Variants in PRKCE observed in about 807,000 individuals in gnomAD.
The protein encoded by PRKCE is protein kinase C epsilon type.
A neutral mutation model predicts 85.4 loss-of-function variants in PRKCE; 16 were observed. The observed-to-expected ratio is 0.19, with a 90% CI of 0.13 to 0.28. The LOEUF is 0.28. PRKCE is among the 10% of genes least tolerant of loss of function. PRKCE has a pLI of 1.00. For missense variants in PRKCE, 573 were observed against 975.2 expected (o/e 0.59, Z 5.49); for synonymous variants, 388 against 371.5 (o/e 1.04, Z -0.51).
At chr2:45,932,333 C>T (rs978298594) in intron 2 of PRKCE, among the ~76,000 whole-genome samples, 1 of 152,128 alleles carries the variant, frequency 6.6e-6, no homozygotes, top group Non-Finnish European at 1.5e-5. Flanking sequence ...GCACTTGTTT[C>T]CAGTTTAGGG....
At chr2:45,707,568 C>G (rs1374498169) in intron 1 of PRKCE, among the ~76,000 whole-genome samples, 1 of 152,178 alleles carries the variant, frequency 6.6e-6, no homozygotes, top group African/African-American at 2.4e-5. Flanking sequence ...CTTGCTCTTG[C>G]CCCTGTGCTT....
intron 2 of PRKCE, among the ~76,000 whole-genome samples, chr2:45,969,425 G>A (rs955965976): frequency 6.6e-6 from 1 of 152,212 alleles, no homozygotes; most frequent in South Asian, 2.1e-4. Context: ...GAACTGTCAT[G>A]CTGGCTGAGC....
At chr2:45,832,987 A>G (rs1213110866) in intron 1 of PRKCE, among the ~76,000 whole-genome samples, 2 of 152,112 alleles carry the variant, frequency 1.3e-5, no homozygotes, top group African/African-American at 4.8e-5. Flanking sequence ...GAAAGATGGA[A>G]ACAAATGATC....
At chr2:45,756,683 A>G (rs1684032433) in intron 1 of PRKCE, among the ~76,000 whole-genome samples, 1 of 152,210 alleles carries the variant, frequency 6.6e-6, no homozygotes, top group African/African-American at 2.4e-5. Context: ...ATTAATCTCA[A>G]AATAATTATG....
intron 1 of PRKCE, among the ~76,000 whole-genome samples, chr2:45,665,533 C>T (rs938280444): frequency 2.0e-5 from 3 of 152,178 alleles, no homozygotes; most frequent in African/African-American, 2.4e-5. Context: ...AGAGTCACCA[C>T]GTCTTGAAGT....
At chr2:45,791,543 T>C (rs1261955064) in intron 1 of PRKCE, among the ~76,000 whole-genome samples, 1 of 152,238 alleles carries the variant, frequency 6.6e-6, no homozygotes, top group Non-Finnish European at 1.5e-5. Flanking sequence ...TTAGTTCTTT[T>C]CTTTCTTTTA....
rs937570376 is a variant in PRKCE, at chr2:45,978,906, G to A, written c.573-70G>A. 4.2e-6 allele frequency: 6 copies of A among 1,435,632 alleles called. No homozygotes were observed. In the African/African-American group the frequency reaches 5.6e-5, roughly 13 times the overall value. The allele number at this position is 1,435,632 out of a possible 1,614,324, so 88.9% of individuals were successfully genotyped here. On this transcript the variant is annotated intron_variant, in intron 3 of 14. Coordinates refer to ENST00000306156, the MANE Select transcript of PRKCE (RefSeq NM_005400.3). Reference sequence around the variant, plus strand: ...ATGTGGGTGGTGGCCCAAATTGGGTGGTTTTTCTGTTTGTTTTTTGACCTG... The same window carrying A: ...ATGTGGGTGGTGGCCCAAATTGGGTAGTTTTTCTGTTTGTTTTTTGACCTG...
intron 10 of PRKCE, among the ~76,000 whole-genome samples, chr2:46,059,206 T>C (rs1388485181): frequency 1.3e-5 from 2 of 152,104 alleles, no homozygotes; most frequent in East Asian, 3.9e-4. Context: ...CAGTGAGCCA[T>C]GAGCCCAGGA....
At chr2:45,847,733 A>T (rs1691914388) in intron 2 of PRKCE, among the ~76,000 whole-genome samples, 1 of 152,148 alleles carries the variant, frequency 6.6e-6, no homozygotes, top group Non-Finnish European at 1.5e-5. Flanking sequence ...TCCCCACTCC[A>T]CCCCTGGTTC....
At chr2:45,966,940 C>T (rs142051300) in intron 2 of PRKCE, among the ~76,000 whole-genome samples, 5 of 152,242 alleles carry the variant, frequency 3.3e-5, no homozygotes, top group Non-Finnish European at 7.4e-5. Flanking sequence ...TGCAGGGTTT[C>T]TGGAAGTCAG....
chr2:46,006,007 G>C (rs762545540), intron 8 of PRKCE, among the ~76,000 whole-genome samples: 5 of 152,126 alleles, frequency 3.3e-5, no homozygotes, highest in Non-Finnish European at 4.4e-5. Context: ...TGTAGGCCTG[G>C]CTCCTGCCCT....
intron 10 of PRKCE, among the ~76,000 whole-genome samples, chr2:46,069,166 T>A (rs1282633543): frequency 6.6e-6 from 1 of 152,236 alleles, no homozygotes; most frequent in African/African-American, 2.4e-5. Context: ...TGTCTTCTAG[T>A]GAGCAGACAG....
chr2:45,795,350 C>A (rs141222759), intron 1 of PRKCE, among the ~76,000 whole-genome samples: 14 of 152,206 alleles, frequency 9.2e-5, no homozygotes, highest in East Asian at 1.9e-4. Context: ...CTCTTGTCAC[C>A]CAGGCTGGAG....
rs952179743 is a variant in PRKCE at position 46,138,162 on chromosome 2, G to A, written c.1593-6931G>A. 3.3e-5 allele frequency among the ~76,000 whole-genome samples: 5 copies of A among 152,120 alleles called. No individual in the cohort carries two copies. The highest frequency in any genetic ancestry group is 4.1e-4 in the South Asian group (2 of 4,830). Reference sequence around the variant, plus strand: ...TCTGGAAGAGATCTTCACTCCTACCGCAGGAGAGCCTTCATTGTGCCATCC... The same window carrying A: ...TCTGGAAGAGATCTTCACTCCTACCACAGGAGAGCCTTCATTGTGCCATCC... On this transcript the variant is annotated intron_variant, in intron 11 of 14. Transcript: ENST00000306156. This position sits in a 1 kb window ranked among gnomAD's most constrained non-coding sequence, Gnocchi z 4.2.
intron 1 of PRKCE, among the ~76,000 whole-genome samples, chr2:45,779,500 A>G (rs1686015085): frequency 6.6e-6 from 1 of 151,908 alleles, no homozygotes; most frequent in Admixed American, 6.6e-5. Flanking sequence ...CTAGGTTGAG[A>G]GCTCCAGGGA....
chr2:46,076,277 C>T (rs1332659861), intron 10 of PRKCE, among the ~76,000 whole-genome samples: 1 of 152,194 alleles, frequency 6.6e-6, no homozygotes, highest in Non-Finnish European at 1.5e-5. Flanking sequence ...CTGGGGGCTG[C>T]TCCATTTGTG....
chr2:45,978,591 G>A (rs1017775305), intron 3 of PRKCE: 11 of 186,400 alleles, frequency 5.9e-5, no homozygotes, highest in South Asian at 3.6e-4. Flanking sequence ...CCCACAGAGC[G>A]TGTCCTGGTG....
chr2:46,169,372 T>C (rs1678663110), intron 14 of PRKCE, among the ~76,000 whole-genome samples: 1 of 152,184 alleles, frequency 6.6e-6, no homozygotes, highest in Non-Finnish European at 1.5e-5. Flanking sequence ...AACCTCAGTC[T>C]CCTCACTGTG....
intron 1 of PRKCE, among the ~76,000 whole-genome samples, chr2:45,714,918 T>C (rs1679960956): frequency 6.6e-6 from 1 of 152,200 alleles, no homozygotes; most frequent in Non-Finnish European, 1.5e-5. Flanking sequence ...TGCAGCCTCA[T>C]GGTTTGGGTT....
Sources: gnomAD v4.1 joint callset for allele counts (sites outside exome capture counted in the v4.1 genomes callset) on GRCh38, gnomAD v4.1.1 for gene constraint, Gnocchi (gnomAD v3.1) non-coding constraint, MANE v1.5 for transcripts, NCBI Gene and HGNC (gene_info 2026-07-23, HGNC 2026-07-21) for gene names.